Variants in LPCAT3 observed in about 807,000 individuals in gnomAD.
LPCAT3 encodes the protein lysophosphatidylcholine acyltransferase 3.
A neutral mutation model predicts 63.4 loss-of-function variants in LPCAT3; 21 were observed. The observed-to-expected ratio is 0.33, with a 90% CI of 0.23 to 0.48. The LOEUF (loss-of-function observed/expected upper bound fraction) is 0.48, where lower values mean the gene tolerates loss of function less well. LPCAT3 is among the 20% of genes least tolerant of loss of function. LPCAT3 has a pLI of 0.99. For missense variants in LPCAT3, 451 were observed against 590.6 expected (o/e 0.76, Z 2.45); for synonymous variants, 242 against 227.5 (o/e 1.06, Z -0.58).
intron 3 of LPCAT3, 42 bp downstream of exon 3, chr12:6,982,634 G>A (rs1946481959): frequency 1.8e-5 from 26 of 1,468,470 alleles, no homozygotes; most frequent in African/African-American, 8.4e-5. Flanking sequence ...CCCCTGAACC[G>A]CTGTCAGCTG....
chr12:7,010,637 T>C (rs1301080527), intron 1 of LPCAT3, among the ~76,000 whole-genome samples: 3 of 152,218 alleles, frequency 2.0e-5, no homozygotes, highest in African/African-American at 7.2e-5. Context: ...TGAGCTCCCA[T>C]GGCTGCCCAG....
intron 7 of LPCAT3, 28 bp downstream of exon 7, chr12:6,979,443 T>C: frequency 2.0e-6 from 3 of 1,508,578 alleles, no homozygotes; most frequent in South Asian, 2.3e-5. Flanking sequence ...GGTGCAGTCA[T>C]GCTGCTGCTG....
At position 7,003,108 on chromosome 12, in the gene LPCAT3, C is replaced by CAGTAAAAATGGGCAA. The variant is rs782464419; in HGVS notation, c.151+15151_151+15165dup. Among the ~76,000 whole-genome samples the CAGTAAAAATGGGCAA allele has an allele frequency of 3.3e-5, 5 of 152,146 alleles. No individual in the cohort carries two copies. The South Asian group carries it at 1.0e-3, about 32-fold the overall frequency. On this transcript the variant is annotated intron_variant, in intron 1 of 12. Coordinates refer to ENST00000261407, the MANE Select transcript of LPCAT3 (RefSeq NM_005768.6). Reference sequence around the variant, plus strand: ...TTTTTCCTTCAGAGTATGAAGAAATCAGTAAAAATGGGCAAAGCACAAATG... The same window carrying CAGTAAAAATGGGCAA: ...TTTTTCCTTCAGAGTATGAAGAAATCAGTAAAAATGGGCAAAGTAAAAATGGGCAAAGCACAAATG...
In LPCAT3 at chr12:7,018,246, G is replaced by A; in HGVS notation, c.151+28C>T. 6.3e-6 allele frequency: 10 copies of A among 1,577,448 alleles called. No individual in the cohort carries two copies. The highest frequency in any genetic ancestry group is 8.6e-6 in the Non-Finnish European group (10 of 1,161,272). On this transcript the variant is annotated intron_variant, in intron 1 of 12. Transcript: ENST00000261407. The surrounding 1 kb of genome is among the most constrained non-coding windows in gnomAD (Gnocchi z 4.9). ...CCCTACTCCCCGGGGACTCCGCGAG[G>A]GGCGGAGGGAGGCAGGAGGGTCCTT...
At chr12:6,980,874 A>T in intron 6 of LPCAT3, 130 bp downstream of exon 6, 1 of 833,108 alleles carries the variant, frequency 1.2e-6, no homozygotes, top group Non-Finnish European at 1.8e-6. Context: ...AGTGCCTGTT[A>T]CAACAGTCCA....
At position 6,982,762 on chromosome 12, in the gene LPCAT3, G is replaced by C; in HGVS notation, c.280C>G (p.Leu94Val). ...AGGAACTGAAGCACAATACACAGCA[G>C]GGAGTGGTAGAGCTGGTTTCCTGGA... ...FNFGNQLYHSLLCIVLQFLIL... is the reference protein window; with the variant it reads ...FNFGNQLYHSVLCIVLQFLIL... Residue 94 changes from leucine to valine, a missense_variant, in exon 3 of 13, where the codon CTG becomes GTG. Physicochemically the swap from Leu to Val is conservative, Grantham distance 32 (BLOSUM62 1). Around this residue, in one of 3 missense-constraint regions of LPCAT3, gnomAD observed 133 missense variants for 152.1 expected, o/e 0.87. Coordinates refer to ENST00000261407, the MANE Select transcript of LPCAT3 (RefSeq NM_005768.6). 1.2e-6 allele frequency: 2 copies of C among 1,613,534 alleles called. No individual in the cohort carries two copies. The highest frequency in any genetic ancestry group is 1.7e-6 in the Non-Finnish European group (2 of 1,179,546).
intron 1 of LPCAT3, among the ~76,000 whole-genome samples, chr12:7,013,036 T>A (rs1305460369): frequency 6.6e-6 from 1 of 152,210 alleles, no homozygotes; most frequent in African/African-American, 2.4e-5. Flanking sequence ...ATGGTTTCTG[T>A]CCTCATCTAC....
intron 6 of LPCAT3, chr12:6,980,707 TATATTTC>T: frequency 4.8e-6 from 1 of 206,728 alleles, no homozygotes; most frequent in South Asian, 1.7e-4. Context: ...CAATCATAAA[TATATTTC>T]ATATATACAT....
At chr12:7,009,207 A>G (rs1211596964) in intron 1 of LPCAT3, among the ~76,000 whole-genome samples, 6 of 152,150 alleles carry the variant, frequency 3.9e-5, no homozygotes, top group Admixed American at 6.5e-5. Context: ...GACTACAGGC[A>G]TGTGCCACCA....
chr12:6,985,163 G>A (rs1283615701), intron 1 of LPCAT3, among the ~76,000 whole-genome samples: 2 of 151,222 alleles, frequency 1.3e-5, no homozygotes, highest in African/African-American at 2.4e-5. Flanking sequence ...AGGCTGAGAC[G>A]GGCGGATCAT....
chr12:6,979,036 G>A (rs1946441118), intron 7 of LPCAT3: 1 of 305,358 alleles, frequency 3.3e-6, no homozygotes, highest in Non-Finnish European at 6.1e-6. Context: ...AACCTGCCCA[G>A]AATTACTGAA....
intron 6 of LPCAT3, among the ~76,000 whole-genome samples, chr12:6,980,369 A>G (rs1946457594): frequency 6.6e-6 from 1 of 151,850 alleles, no homozygotes; most frequent in South Asian, 2.1e-4. Flanking sequence ...AATATTTTTG[A>G]GACAGGATTT....
At chr12:6,996,700 G>A (rs1946638313) in intron 1 of LPCAT3, among the ~76,000 whole-genome samples, 2 of 152,186 alleles carry the variant, frequency 1.3e-5, no homozygotes, top group Non-Finnish European at 2.9e-5. Context: ...AATTTTAAGA[G>A]GTGCTTTCTA....
In LPCAT3 at chr12:7,018,129, A is replaced by T; in HGVS notation, c.151+145T>A. 2 of 840,058 alleles carry T rather than the reference A, an allele frequency of 2.4e-6. No individual in the cohort carries two copies. Among genetic ancestry groups the T allele is most frequent in the Non-Finnish European group, 3.7e-6 (2 of 533,982 alleles). 52.0% of individuals were successfully genotyped at this position (840,058 alleles called of 1,614,324 possible). A position where few individuals can be genotyped will look rare whatever the true frequency, so the allele number is the denominator to read the frequency against. On this transcript the variant is annotated intron_variant, in intron 1 of 12. Coordinates refer to ENST00000261407, the MANE Select transcript of LPCAT3 (RefSeq NM_005768.6). The surrounding 1 kb of genome is among the most constrained non-coding windows in gnomAD (Gnocchi z 4.9). Reference sequence around the variant, plus strand: ...GACAGGACTTCTGTCTTCCCTCAGTAGCTGTTGGTGTGCTTCAGGATTCAC... The same window carrying T: ...GACAGGACTTCTGTCTTCCCTCAGTTGCTGTTGGTGTGCTTCAGGATTCAC...
chr12:7,006,655 G>A (rs1946726944), intron 1 of LPCAT3, among the ~76,000 whole-genome samples: 1 of 152,294 alleles, frequency 6.6e-6, no homozygotes, highest in South Asian at 2.1e-4. Context: ...CTAAAGAATG[G>A]GGATTTCTAG....
chr12:6,992,454 G>T (rs990052928), intron 1 of LPCAT3, among the ~76,000 whole-genome samples: 1 of 152,206 alleles, frequency 6.6e-6, no homozygotes, highest in African/African-American at 2.4e-5. Flanking sequence ...TCACCGTCCT[G>T]ATTTGTGCTA....
At position 6,989,370 on chromosome 12, in the gene LPCAT3, T is replaced by C. The variant is rs1284761856; in HGVS notation, c.152-5831A>G. Among the ~76,000 whole-genome samples, 23 of 146,772 alleles carry C rather than the reference T, an allele frequency of 1.6e-4. No individual in the cohort carries two copies. In the South Asian group the frequency reaches 1.8e-3, roughly 11 times the overall value. ...TGTCGCCCAGGCTGGAGTGCAGTGG[T>C]GCAATCTCGGCTCACTGCAAGCTCC... On this transcript the variant is annotated intron_variant, in intron 1 of 12. Coordinates refer to ENST00000261407, the MANE Select transcript of LPCAT3 (RefSeq NM_005768.6).
At chr12:7,000,932 C>T (rs1470244617) in intron 1 of LPCAT3, among the ~76,000 whole-genome samples, 1 of 152,014 alleles carries the variant, frequency 6.6e-6, no homozygotes, top group Non-Finnish European at 1.5e-5. Context: ...TAGTCTCGAT[C>T]TCCTGACCTC....
intron 1 of LPCAT3, among the ~76,000 whole-genome samples, chr12:7,015,857 C>T (rs1348955393): frequency 6.6e-6 from 1 of 152,096 alleles, no homozygotes; most frequent in Non-Finnish European, 1.5e-5. Context: ...ATTTCCTAGT[C>T]ATCTGTATGC....
Sources: allele counts gnomAD v4.1 joint callset (sites outside exome capture counted in the v4.1 genomes callset), GRCh38; gene constraint gnomAD v4.1.1; regional missense constraint gnomAD v4.1.1; non-coding constraint Gnocchi (gnomAD v3.1); transcripts MANE v1.5; gene names NCBI Gene and HGNC (gene_info 2026-07-23, HGNC 2026-07-21).